Variants in MMP19 observed in about 807,000 individuals in gnomAD.
MMP19 encodes the protein matrix metallopeptidase 19.
A neutral mutation model predicts 46.6 loss-of-function variants in MMP19; 47 were observed. The ratio of observed to expected loss-of-function variants is 1.01; its 90% confidence interval spans 0.80 to 1.29. MMP19 has a LOEUF of 1.29. Ranked by LOEUF, MMP19 falls within the 50% of genes most tolerant of loss-of-function variation. The pLI is 0.00. For missense variants in MMP19, 589 were observed against 643.5 expected (o/e 0.92, Z 0.92); for synonymous variants, 222 against 248.5 (o/e 0.89, Z 1.00).
chr12:55,837,076 T>G lies in MMP19; in HGVS notation c.1487A>C (p.Asp496Ala). 1 of 1,595,364 alleles carries G rather than the reference T, an allele frequency of 6.3e-7. No homozygotes were observed. Among genetic ancestry groups the G allele is most frequent in the Non-Finnish European group, 8.6e-7 (1 of 1,169,114 alleles). Residue 496 changes from aspartate (D) to alanine (A), a missense_variant, in exon 9 of 9, where the codon GAT (aspartate) becomes GCT (alanine). Physicochemically the swap from Asp to Ala is moderately radical, Grantham distance 126 (BLOSUM62 -2). Transcript: ENST00000322569. Reference protein sequence around the residue: ...TTPSGTGITLDTTLSATETTF... With the variant: ...TTPSGTGITLATTLSATETTF... Reference sequence around the variant, plus strand: ...GGTTTCTGTGGCTGAGAGAGTGGTATCCAAGGTTATGCCCGTACCTGAGGG... The same window carrying G: ...GGTTTCTGTGGCTGAGAGAGTGGTAGCCAAGGTTATGCCCGTACCTGAGGG...
In MMP19 at chr12:55,837,940, G is replaced by T. The variant is rs770211626; in HGVS notation, c.963C>A (p.Gly321=). ...YVWTVSDSGP[G]PLFRVSALWE... Reference sequence around the variant, plus strand: ...AAAGGGCAGACACTCGGAACAAGGGGCCCGGTCCTGAATCTGATACAGTCC... The same window carrying T: ...AAAGGGCAGACACTCGGAACAAGGGTCCCGGTCCTGAATCTGATACAGTCC... Residue 321 remains glycine, a synonymous_variant, in exon 7 of 9, where the codon GGC becomes GGA. Coordinates refer to ENST00000322569, the MANE Select transcript of MMP19 (RefSeq NM_002429.6). 6.2e-7 allele frequency: 1 copy of T among 1,612,790 alleles called. No homozygotes were observed. Among genetic ancestry groups the T allele is most frequent in the Non-Finnish European group, 8.5e-7 (1 of 1,178,924 alleles).
intron 2 of MMP19, 84 bp downstream of exon 2, chr12:55,842,269 G>C (rs748177651): frequency 2.8e-6 from 3 of 1,083,968 alleles, no homozygotes; most frequent in Non-Finnish European, 4.3e-6. Context: ...GTCAGGAGGA[G>C]GTGGGCCTGG....
intron 6 of MMP19, 170 bp downstream of exon 6, chr12:55,838,436 C>T (rs1736160908): frequency 2.6e-6 from 4 of 1,542,754 alleles, no homozygotes; most frequent in Non-Finnish European, 3.5e-6. Context: ...TTTAATTTGG[C>T]TCCGAACTCT....
rs770410679 is a variant in MMP19 at position 55,839,577 on chromosome 12, G to A, written c.685C>T (p.Leu229Phe). The A allele has an allele frequency of 1.9e-6, 3 of 1,614,216 alleles. No individual in the cohort carries two copies. Among genetic ancestry groups the A allele is most frequent in the Admixed American group, 3.3e-5 (2 of 60,030 alleles). ...GLGHSRYSQALMAPVYEGYRP... is the reference protein window; with the variant it reads ...GLGHSRYSQAFMAPVYEGYRP... ...TAGCCCTCGTAGACTGGGGCCATGA[G>A]GGCCTGGGAATATCGGGAGTGCCCA... is the stretch of plus-strand genomic sequence containing the variant. The change falls in exon 5 of 9, where the codon CTC (leucine) becomes TTC (phenylalanine). Residue 229 changes from leucine (L) to phenylalanine (F), a missense_variant. Leu to Phe is a conservative substitution (Grantham distance 22). Transcript: ENST00000322569.
chr12:55,841,902 T>C (rs1406406107), intron 2 of MMP19, among the ~76,000 whole-genome samples: 1 of 152,166 alleles, frequency 6.6e-6, no homozygotes, highest in African/African-American at 2.4e-5. Flanking sequence ...TGGACTGTCA[T>C]AGGGCCTAGG....
intron 8 of MMP19, 89 bp downstream of exon 8, chr12:55,837,466 C>T (rs1881320135): frequency 1.9e-6 from 3 of 1,590,354 alleles, no homozygotes; most frequent in Admixed American, 3.5e-5. Flanking sequence ...AGCTGCAGAA[C>T]ATCTCCCTTC....
intron 4 of MMP19, 145 bp downstream of exon 4, chr12:55,840,522 T>C: frequency 1.3e-6 from 1 of 744,116 alleles, no homozygotes; most frequent in South Asian, 2.3e-5. Flanking sequence ...ACTGCGCCCG[T>C]GCTCCCGTTA....
Position 55,836,745 on chromosome 12 carries a change from GCTGT to G in MMP19, c.*287_*290del, listed in dbSNP as rs1476383503. On this transcript the variant is annotated 3_prime_UTR_variant, in exon 9 of 9. Coordinates refer to ENST00000322569, the MANE Select transcript of MMP19 (RefSeq NM_002429.6). ...GAGAAGAGATGACACAGTTGGAAGG[GCTGT>G]CTAAGACAGACAGGAAATGGAGTTG... 4.6e-5 allele frequency: 12 copies of G among 258,178 alleles called. No homozygotes were observed. The East Asian group carries it at 5.2e-4, about 11-fold the overall frequency. 16.0% of individuals were successfully genotyped at this position (258,178 alleles called of 1,614,324 possible).
In MMP19 at chr12:55,840,812, G is replaced by C. The variant is rs377159707; in HGVS notation, c.375C>G (p.Ala125=). The C allele has an allele frequency of 7.6e-4, 1,218 of 1,611,704 alleles. 11 individuals carry two copies. Among genetic ancestry groups the C allele is most frequent in the Non-Finnish European group, 1.4e-4 (161 of 1,178,262 alleles). ...GGAAGGCTTGACGCAGGGCTGCCCG[G>C]GCTGTGTGGGGTGGAAGGGTGGAGG... ...NLPSTLPPHT[A]RAALRQAFQD... is the part of the protein sequence containing the mutation. The change falls in exon 4 of 9, where the codon GCC becomes GCG. Residue 125 remains alanine (A), a synonymous_variant. Coordinates refer to ENST00000322569, the MANE Select transcript of MMP19 (RefSeq NM_002429.6).
At chr12:55,842,308 C>A in intron 2 of MMP19, 45 bp downstream of exon 2, 1 of 1,493,052 alleles carries the variant, frequency 6.7e-7, no homozygotes, top group East Asian at 2.3e-5. Context: ...AGGAAGAAGA[C>A]CTTGAGACCT....
At position 55,838,665 on chromosome 12, in the gene MMP19, G is replaced by A. The variant is rs1352597819; in HGVS notation, c.836C>T (p.Pro279Leu). 6.2e-7 allele frequency: 1 copy of A among 1,613,804 alleles called. No homozygotes were observed. Among genetic ancestry groups the A allele is most frequent in the Non-Finnish European group, 8.5e-7 (1 of 1,179,754 alleles). Residue 279 changes from proline to leucine, a missense_variant, in exon 6 of 9, where the codon CCC becomes CTC. By Grantham distance (98) the Pro-to-Leu change is moderately conservative. Transcript: ENST00000322569. Reference sequence around the variant, plus strand: ...GTCTGGCATGGGACTGGGTTCTGTGGGCACTGGGGGCACAGTGGGCAGCTC... The same window carrying A: ...GTCTGGCATGGGACTGGGTTCTGTGAGCACTGGGGGCACAGTGGGCAGCTC... ...ETELPTVPPVPTEPSPMPDPC... is the reference protein window; with the variant it reads ...ETELPTVPPVLTEPSPMPDPC...
Position 55,836,745 on chromosome 12 carries a change from G to C in MMP19, c.*291C>G. The C allele has an allele frequency of 3.9e-6, 1 of 258,296 alleles. No individual in the cohort carries two copies. Among genetic ancestry groups the C allele is most frequent in the Non-Finnish European group, 7.3e-6 (1 of 136,228 alleles). 16.0% of individuals were successfully genotyped at this position (258,296 alleles called of 1,614,324 possible). On this transcript the variant is annotated 3_prime_UTR_variant, in exon 9 of 9. Transcript: ENST00000322569. ...GAGAAGAGATGACACAGTTGGAAGG[G>C]CTGTCTAAGACAGACAGGAAATGGA... is the stretch of plus-strand genomic sequence containing the variant.
intron 3 of MMP19, 74 bp from the exon 4 acceptor site, chr12:55,840,956 G>T: frequency 6.5e-7 from 1 of 1,529,616 alleles, no homozygotes; most frequent in Non-Finnish European, 8.8e-7. Flanking sequence ...CTGGGTTTAG[G>T]CACTCAACCC....
Position 55,837,918 on chromosome 12 carries a change from G to A in MMP19, c.985C>T (p.Leu329Phe), listed in dbSNP as rs1417653852. ...GPGPLFRVSA[L>F]WEGLPGNLDA... Reference sequence around the variant, plus strand: ...AGGTTTCCGGGGAGCCCCTCCCAAAGGGCAGACACTCGGAACAAGGGGCCC... The same window carrying A: ...AGGTTTCCGGGGAGCCCCTCCCAAAAGGCAGACACTCGGAACAAGGGGCCC... Residue 329 changes from leucine (L) to phenylalanine (F), a missense_variant, in exon 7 of 9, where the codon CTT becomes TTT. Leu to Phe is a conservative substitution (Grantham distance 22, BLOSUM62 0). Coordinates refer to ENST00000322569, the MANE Select transcript of MMP19 (RefSeq NM_002429.6). The A allele has an allele frequency of 6.2e-7, 1 of 1,613,352 alleles. No homozygotes were observed. The highest frequency in any genetic ancestry group is 2.2e-5 in the East Asian group (1 of 44,822).
chr12:55,842,761 C>G lies in MMP19; in HGVS notation c.70G>C (p.Ala24Pro). 1 of 1,606,094 alleles carries G rather than the reference C, an allele frequency of 6.2e-7. No individual in the cohort carries two copies. Among genetic ancestry groups the G allele is most frequent in the Admixed American group, 1.7e-5 (1 of 58,890 alleles). The change falls in exon 1 of 9, where the codon GCA (alanine) becomes CCA (proline). Residue 24 changes from alanine (A) to proline (P), a missense_variant. By Grantham distance (27) the Ala-to-Pro change is conservative. Transcript: ENST00000322569. ...MTVSGRVLGL[A>P]EVAPVDYLSQ... Reference sequence around the variant, plus strand: ...GGACTTACCACAGGCGCCACCTCTGCAAGCCCCAGGACCCGGCCTGAGACT... The same window carrying G: ...GGACTTACCACAGGCGCCACCTCTGGAAGCCCCAGGACCCGGCCTGAGACT...
At chr12:55,842,096 A>G (rs1026291756) in intron 2 of MMP19, among the ~76,000 whole-genome samples, 3 of 152,328 alleles carry the variant, frequency 2.0e-5, no homozygotes, top group Middle Eastern at 3.4e-3. Flanking sequence ...ATAACTAAAT[A>G]TTAGTATTTG....
At chr12:55,839,411 C>T in intron 5 of MMP19, 85 bp downstream of exon 5, 5 of 1,482,874 alleles carry the variant, frequency 3.4e-6, no homozygotes, top group African/African-American at 1.4e-5. Context: ...TAAGCTATAT[C>T]CCTACATGGA....
rs140565014 is a variant in MMP19, at chr12:55,840,846, A to G, written c.341T>C (p.Leu114Ser). The G allele has an allele frequency of 6.3e-7, 1 of 1,594,718 alleles. No homozygotes were observed. Among genetic ancestry groups the G allele is most frequent in the Non-Finnish European group, 8.6e-7 (1 of 1,166,622 alleles). ...GGGTGGAAGGGTGGAGGGCAGGTTC[A>G]AGATGCGGAAAGTCAGGTGCTTCTT... ...WRKKHLTFRILNLPSTLPPHT... is the reference protein window; with the variant it reads ...WRKKHLTFRISNLPSTLPPHT... Residue 114 changes from leucine to serine, a missense_variant, in exon 4 of 9, where the codon TTG becomes TCG. Physicochemically the swap from Leu to Ser is moderately radical, Grantham distance 145. Coordinates refer to ENST00000322569, the MANE Select transcript of MMP19 (RefSeq NM_002429.6).
At position 55,837,875 on chromosome 12, in the gene MMP19, G is replaced by T. The variant is rs138407292; in HGVS notation, c.1028C>A (p.Ser343Ter). Residue 343 changes from serine (S) to a stop codon, truncating the protein, a stop_gained, in exon 7 of 9, where the codon TCG (serine) becomes TAG (stop). Coordinates refer to ENST00000322569, the MANE Select transcript of MMP19 (RefSeq NM_002429.6). LOFTEE classifies it high-confidence loss of function. ...GAAGTGAATCCATTGTGTTCGAGGC[G>T]AGTAGACAGCAGCATCCAGGTTTCC... ...LPGNLDAAVY[S>*]PRTQWIHFFK... 2 of 1,612,538 alleles carry T rather than the reference G, an allele frequency of 1.2e-6. No homozygotes were observed. The highest frequency in any genetic ancestry group is 2.2e-5 in the South Asian group (2 of 91,006).
Sources: allele counts gnomAD v4.1 joint callset (sites outside exome capture counted in the v4.1 genomes callset), GRCh38; gene constraint gnomAD v4.1.1; transcripts MANE v1.5; gene names NCBI Gene and HGNC (gene_info 2026-07-23, HGNC 2026-07-21).